The following SPATA31E1 variants were observed in gnomAD, a reference collection of about 807,000 sequenced individuals.
The protein encoded by SPATA31E1 is spermatogenesis-associated protein 31E1.
Under a neutral mutation model 12.9 loss-of-function variants are expected in SPATA31E1, and 7 were observed. The ratio of observed to expected loss-of-function variants is 0.54; its 90% confidence interval spans 0.31 to 1.02. SPATA31E1 has a LOEUF of 1.02. Among genes scored for constraint, SPATA31E1 ranks in the 50% least tolerant of loss-of-function variants. The pLI is 0.05. For synonymous variants in SPATA31E1, 771 were observed against 719.0 expected (o/e 1.07, Z -1.16); for missense variants, 1,961 against 1,799.8 (o/e 1.09, Z -1.62).
In SPATA31E1 at chr9:87,887,750, A is replaced by G. The variant is rs989308989; in HGVS notation, c.3263A>G (p.Glu1088Gly). ...TCAGTCTGTGTTGCTCAGGATCCAGAGCAGCTGCACCTGAAAGCGCAGGTG... is the reference window on the plus strand; with the variant it reads ...TCAGTCTGTGTTGCTCAGGATCCAGGGCAGCTGCACCTGAAAGCGCAGGTG... ...ASSVCVAQDP[E>G]QLHLKAQVVS... Residue 1088 changes from glutamate (E) to glycine (G), a missense_variant, in exon 4 of 4, where the codon GAG (glutamate) becomes GGG (glycine). Transcript: ENST00000325643. 6.2e-7 allele frequency: 1 copy of G among 1,614,062 alleles called. No homozygotes were observed. The highest frequency in any genetic ancestry group is 2.2e-5 in the East Asian group (1 of 44,882).
chr9:87,884,505 G>A, intron 2 of SPATA31E1, 86 bp from the exon 3 acceptor site: 5 of 1,399,940 alleles, frequency 3.6e-6, no homozygotes, highest in Middle Eastern at 1.9e-4. Flanking sequence ...GTCCCCCATG[G>A]TGTCCCCTAA....
Position 87,885,573 on chromosome 9 carries a change from G to A in SPATA31E1, c.1086G>A (p.Gln362=), listed in dbSNP as rs367546357. 2.7e-5 allele frequency: 43 copies of A among 1,614,068 alleles called. No individual in the cohort carries two copies. Among genetic ancestry groups the A allele is most frequent in the Admixed American group, 5.0e-5 (3 of 60,014 alleles). The change falls in exon 4 of 4, where the codon CAG becomes CAA. Residue 362 remains glutamine, a synonymous_variant. Transcript: ENST00000325643. ...GCACATTCATCCACCCTGACGTGCAGAAGCTGCTGGAGACCCTCATCGCCA... is the reference window on the plus strand; with the variant it reads ...GCACATTCATCCACCCTGACGTGCAAAAGCTGCTGGAGACCCTCATCGCCA... ...GGCTFIHPDV[Q]KLLETLIAKR... is the part of the protein sequence containing the mutation.
Position 87,886,029 on chromosome 9 carries a change from G to A in SPATA31E1, c.1542G>A (p.Gln514=), listed in dbSNP as rs756666142. The change falls in exon 4 of 4, where the codon CAG becomes CAA. Residue 514 remains glutamine, a synonymous_variant. Transcript: ENST00000325643. ...TCACTCCAGCCTGGCCCCAGTCCCAGCCCCCACCTTTGGCTGAGATCCAGA... is the reference window on the plus strand; with the variant it reads ...TCACTCCAGCCTGGCCCCAGTCCCAACCCCCACCTTTGGCTGAGATCCAGA... The part of the protein sequence containing the change: ...QHFTPAWPQS[Q]PPPLAEIQTQ... The A allele has an allele frequency of 3.1e-6, 5 of 1,612,958 alleles. No individual in the cohort carries two copies. Among genetic ancestry groups the A allele is most frequent in the Non-Finnish European group, 4.2e-6 (5 of 1,179,614 alleles).
chr9:87,888,691 T>G lies in SPATA31E1; in HGVS notation c.4204T>G (p.Trp1402Gly). 1 of 1,613,976 alleles carries G rather than the reference T, an allele frequency of 6.2e-7. No individual in the cohort carries two copies. Among genetic ancestry groups the G allele is most frequent in the Non-Finnish European group, 8.5e-7 (1 of 1,179,986 alleles). Residue 1402 changes from tryptophan to glycine, a missense_variant, in exon 4 of 4, where the codon TGG (tryptophan) becomes GGG (glycine). Coordinates refer to ENST00000325643, the MANE Select transcript of SPATA31E1 (RefSeq NM_178828.5). ...GGGCATCAGAGACAGAGACAGCAGT[T>G]GGGCCCCACCTCCCAGGGAGCCTGT... ...NRGIRDRDSSWAPPPREPVSP... is the reference protein window; with the variant it reads ...NRGIRDRDSSGAPPPREPVSP...
Position 87,887,501 on chromosome 9 carries a change from G to T in SPATA31E1, c.3014G>T (p.Ser1005Ile), listed in dbSNP as rs1828304373. ...AACGAGGCATGGCTTGAGAGTGAGA[G>T]CATGTCCCCAGGAGACCCCTGTAGT... is the stretch of plus-strand genomic sequence containing the variant. The part of the protein sequence containing the change: ...AGNEAWLESE[S>I]MSPGDPCSSR... The change falls in exon 4 of 4, where the codon AGC becomes ATC. Residue 1005 changes from serine to isoleucine, a missense_variant. Transcript: ENST00000325643. 6.2e-7 allele frequency: 1 copy of T among 1,613,834 alleles called. No homozygotes were observed.
Position 87,886,188 on chromosome 9 carries a change from T to C in SPATA31E1, c.1701T>C (p.Leu567=). The C allele has an allele frequency of 6.2e-7, 1 of 1,611,446 alleles. No homozygotes were observed. Among genetic ancestry groups the C allele is most frequent in the South Asian group, 1.1e-5 (1 of 90,760 alleles). ...TCATCCCCACTGGAAAGGAGTATCT[T>C]GAATGGCCCTTGAAGAAGCGACCAA... ...QSVIPTGKEY[L]EWPLKKRPKW... The change falls in exon 4 of 4, where the codon CTT becomes CTC. Residue 567 remains leucine, a synonymous_variant. Coordinates refer to ENST00000325643, the MANE Select transcript of SPATA31E1 (RefSeq NM_178828.5).
chr9:87,884,166 C>T, intron 2 of SPATA31E1, 120 bp downstream of exon 2: 1 of 1,273,780 alleles, frequency 7.9e-7, no homozygotes, highest in Non-Finnish European at 1.1e-6. Flanking sequence ...AACCTGCGGC[C>T]TCCTCAGATT....
Position 87,883,112 on chromosome 9 carries a change from G to C in SPATA31E1, c.221G>C (p.Cys74Ser). 6.2e-7 allele frequency: 1 copy of C among 1,605,940 alleles called. No individual in the cohort carries two copies. Among genetic ancestry groups the C allele is most frequent in the Non-Finnish European group, 8.5e-7 (1 of 1,176,130 alleles). ...ATGGATTTCATCCTCACCAGTGTGT[G>C]TGGCCTAGTGCTCCTCTTCCTATTG... is the stretch of plus-strand genomic sequence containing the variant. ...WMMDFILTSV[C>S]GLVLLFLLLL... Residue 74 changes from cysteine to serine, a missense_variant, in exon 1 of 4, where the codon TGT (cysteine) becomes TCT (serine). Transcript: ENST00000325643.
At chr9:87,883,860 A>T in intron 1 of SPATA31E1, 132 bp from the exon 2 acceptor site, 1 of 968,190 alleles carries the variant, frequency 1.0e-6, no homozygotes, top group Non-Finnish European at 1.5e-6. Flanking sequence ...AACATGAGTA[A>T]AAAGCACACA....
chr9:87,885,369 T>C lies in SPATA31E1; in HGVS notation c.882T>C (p.Ser294=), dbSNP rs140151110. 277 of 1,613,976 alleles carry C rather than the reference T, an allele frequency of 1.7e-4. No individual in the cohort carries two copies. The African/African-American group carries it at 3.3e-3, about 19-fold the overall frequency. The part of the protein sequence containing the change: ...QVLPPPTRVI[S]GLGCSSDPIW... ...TGCCTCCTCCAACCAGGGTGATCTC[T>C]GGCCTGGGGTGCTCCAGCGATCCCA... Residue 294 remains serine, a synonymous_variant, in exon 4 of 4, where the codon TCT becomes TCC. Transcript: ENST00000325643.
At chr9:87,883,963 C>G (rs747020760) in intron 1 of SPATA31E1, 29 bp from the exon 2 acceptor site, 2 of 1,593,574 alleles carry the variant, frequency 1.3e-6, no homozygotes, top group Non-Finnish European at 1.7e-6. Flanking sequence ...AGAACTGGTC[C>G]CAGCCCCTCA....
chr9:87,884,788 A>T, intron 3 of SPATA31E1, 125 bp from the exon 4 acceptor site: 2 of 1,473,494 alleles, frequency 1.4e-6, no homozygotes, highest in African/African-American at 1.4e-5. Flanking sequence ...GGGCAGGCTT[A>T]GGCAGAGCTT....
rs763581410 is a variant in SPATA31E1 at position 87,886,343 on chromosome 9, T to C, written c.1856T>C (p.Val619Ala). The C allele has an allele frequency of 1.2e-6, 2 of 1,613,534 alleles. No individual in the cohort carries two copies. Among genetic ancestry groups the C allele is most frequent in the Non-Finnish European group, 1.7e-6 (2 of 1,179,888 alleles). ...PKSAPILPGVVTSPELPEHWW... is the reference protein window; with the variant it reads ...PKSAPILPGVATSPELPEHWW... ...TCAGCCCCCATCCTTCCCGGGGTTG[T>C]CACCAGCCCTGAGCTCCCAGAGCAC... The change falls in exon 4 of 4, where the codon GTC (valine) becomes GCC (alanine). Residue 619 changes from valine to alanine, a missense_variant. Coordinates refer to ENST00000325643, the MANE Select transcript of SPATA31E1 (RefSeq NM_178828.5).
intron 1 of SPATA31E1, 56 bp downstream of exon 1, chr9:87,883,256 C>A: frequency 6.6e-7 from 1 of 1,514,302 alleles, no homozygotes; most frequent in Admixed American, 2.0e-5. Flanking sequence ...TTTTCCTCCC[C>A]TCATTTCCAC....
Position 87,883,329 on chromosome 9 carries a change from C to A in SPATA31E1, c.309+129C>A, listed in dbSNP as rs1442083122. ...ATCTCGTCATCCCTCTAGGGAAGGGCAAGGCAGGCAGGGGTGAGAGTGGGC... is the reference window on the plus strand; with the variant it reads ...ATCTCGTCATCCCTCTAGGGAAGGGAAAGGCAGGCAGGGGTGAGAGTGGGC... On this transcript the variant is annotated intron_variant, in intron 1 of 3. Coordinates refer to ENST00000325643, the MANE Select transcript of SPATA31E1 (RefSeq NM_178828.5). The A allele has an allele frequency of 2.9e-6, 4 of 1,369,692 alleles. No homozygotes were observed. In the Admixed American group the frequency reaches 6.2e-5, roughly 21 times the overall value. 84.8% of individuals were successfully genotyped at this position (1,369,692 alleles called of 1,614,324 possible).
intron 2 of SPATA31E1, among the ~76,000 whole-genome samples, 163 bp downstream of exon 2, chr9:87,884,209 GGTATTGCCCA>G (rs1232681683): frequency 2.6e-5 from 4 of 152,210 alleles, no homozygotes; most frequent in Non-Finnish European, 5.9e-5. Flanking sequence ...GCCTGGGACC[GGTATTGCCCA>G]TAAGGGGGCG....
rs1828311874 is a variant in SPATA31E1 at position 87,887,851 on chromosome 9, C to T, written c.3364C>T (p.Gln1122Ter). ...AGGCCGTGCCCCGGGCATCCTCCTC[C>T]AGGACGGCGCCACAGGCCTGTGCCT... is the stretch of plus-strand genomic sequence containing the variant. ...LPGRAPGILLQDGATGLCLPG... is the reference protein window; with the variant it reads ...LPGRAPGILL Residue 1122 changes from glutamine to a stop codon, truncating the protein, a stop_gained, in exon 4 of 4, where the codon CAG becomes TAG. Coordinates refer to ENST00000325643, the MANE Select transcript of SPATA31E1 (RefSeq NM_178828.5). LOFTEE classifies it low-confidence loss of function (END_TRUNC). The T allele has an allele frequency of 1.2e-6, 2 of 1,613,870 alleles. No individual in the cohort carries two copies. The highest frequency in any genetic ancestry group is 1.7e-6 in the Non-Finnish European group (2 of 1,180,036).
rs1216326157 is a variant in SPATA31E1 at position 87,883,090 on chromosome 9, G to A, written c.199G>A (p.Asp67Asn). 1.2e-6 allele frequency: 2 copies of A among 1,611,158 alleles called. No homozygotes were observed. Among genetic ancestry groups the A allele is most frequent in the African/African-American group, 2.7e-5 (2 of 74,882 alleles). Residue 67 changes from aspartate (D) to asparagine (N), a missense_variant, in exon 1 of 4, where the codon GAT becomes AAT. Transcript: ENST00000325643. ...LSPSSTPWMM[D>N]FILTSVCGLV... ...CCCTAGCTCCACTCCCTGGATGATG[G>A]ATTTCATCCTCACCAGTGTGTGTGG...
Position 87,888,633 on chromosome 9 carries a change from C to G in SPATA31E1, c.4146C>G (p.Thr1382=). ...CTCTGGCCTGCAGCCCTAAAGCCAC[C>G]CCCAAGGGCCACCACTGTCCTGTCA... The part of the protein sequence containing the change: ...MRALACSPKA[T]PKGHHCPVKN... Residue 1382 remains threonine (T), a synonymous_variant, in exon 4 of 4, where the codon ACC becomes ACG. Transcript: ENST00000325643. 1 of 1,614,092 alleles carries G rather than the reference C, an allele frequency of 6.2e-7. No homozygotes were observed. Among genetic ancestry groups the G allele is most frequent in the Non-Finnish European group, 8.5e-7 (1 of 1,180,042 alleles).
Sources: allele counts gnomAD v4.1 joint callset (sites outside exome capture counted in the v4.1 genomes callset), GRCh38; gene constraint gnomAD v4.1.1; transcripts MANE v1.5; gene names NCBI Gene and HGNC (gene_info 2026-07-23, HGNC 2026-07-21).